The following NTRK2 variants were observed in gnomAD, a reference collection of about 807,000 sequenced individuals.
The protein encoded by NTRK2 is neurotrophic receptor tyrosine kinase 2.
Under a neutral mutation model 94.5 loss-of-function variants are expected in NTRK2, and 13 were observed. The observed-to-expected ratio is 0.14, with a 90% CI of 0.09 to 0.22. The LOEUF (loss-of-function observed/expected upper bound fraction) is 0.22, where lower values mean the gene tolerates loss of function less well. Ranked by LOEUF, NTRK2 falls within the 10% of genes least tolerant of loss-of-function variation. The pLI is 1.00. For synonymous variants in NTRK2, 372 were observed against 407.4 expected (o/e 0.91, Z 1.05); for missense variants, 639 against 1,071.2 (o/e 0.60, Z 5.63).
intron 17 of NTRK2, among the ~76,000 whole-genome samples, chr9:85,016,795 C>T (rs796416476): frequency 1.3e-4 from 20 of 152,182 alleles, no homozygotes; most frequent in African/African-American, 4.8e-4. Context: ...TAGATTGTCC[C>T]ACCACTCACC....
At chr9:84,812,146 T>C in intron 12 of NTRK2, 1 of 1,058,664 alleles carries the variant, frequency 9.4e-7, no homozygotes, top group Non-Finnish European at 1.1e-6. Context: ...GTCAGAAACA[T>C]TGTTTTGAAT....
In NTRK2 at chr9:84,831,542, T is replaced by A. The variant is rs546437130; in HGVS notation, c.1397-29498T>A. On this transcript the variant is annotated intron_variant, in intron 12 of 18. Transcript: ENST00000277120. ...AGCATATACCAGACAGTACTTTAAG[T>A]GTTTTCCATATGCCAACTCCTGTAA... Among the ~76,000 whole-genome samples, 6 of 152,296 alleles carry A rather than the reference T, an allele frequency of 3.9e-5. No individual in the cohort carries two copies. In the East Asian group the frequency reaches 1.2e-3, roughly 29 times the overall value.
chr9:84,751,607 C>T (rs944015673), intron 11 of NTRK2, among the ~76,000 whole-genome samples: 7 of 152,036 alleles, frequency 4.6e-5, no homozygotes, highest in African/African-American at 1.2e-4. Context: ...AGAAAAATCA[C>T]CAGTATTTTG....
At chr9:85,016,139 G>A (rs529551162) in intron 17 of NTRK2, among the ~76,000 whole-genome samples, 4 of 152,182 alleles carry the variant, frequency 2.6e-5, no homozygotes, top group Non-Finnish European at 4.4e-5. Flanking sequence ...GAGGTGGTGG[G>A]TGATTCCGGA....
intron 14 of NTRK2, among the ~76,000 whole-genome samples, chr9:84,931,197 G>A (rs1432797245): frequency 6.6e-6 from 1 of 152,086 alleles, no homozygotes; most frequent in Non-Finnish European, 1.5e-5. Context: ...ACGAGGTCAG[G>A]AGTTTAAGAT....
chr9:84,681,726 G>A (rs1163045130), intron 2 of NTRK2, among the ~76,000 whole-genome samples: 6 of 152,044 alleles, frequency 3.9e-5, no homozygotes, highest in South Asian at 2.1e-4. Context: ...TAGCTGGAGC[G>A]GTCTATCTGA....
intron 12 of NTRK2, chr9:84,814,448 C>A (rs730240): frequency 9.4e-7 from 1 of 1,059,560 alleles, no homozygotes; most frequent in East Asian, 5.1e-5. Flanking sequence ...ACTTTTTTTT[C>A]TCTCTCTCTC....
chr9:84,895,717 T>C (rs2076738364), intron 14 of NTRK2, among the ~76,000 whole-genome samples: 1 of 152,164 alleles, frequency 6.6e-6, no homozygotes, highest in South Asian at 2.1e-4. Flanking sequence ...GTTGAGAGAG[T>C]GCAAAGCTGT....
rs1564486738 is a variant in NTRK2 at position 84,942,778 on chromosome 9, T to C, written c.1765-5684T>C. ...AAGGTCTCAAAATCTGTTAGGTTTT[T>C]TTTTTACCTAAAATACATCTCAATT... On this transcript the variant is annotated intron_variant, in intron 15 of 18. Coordinates refer to ENST00000277120, the MANE Select transcript of NTRK2 (RefSeq NM_006180.6). Among the ~76,000 whole-genome samples the C allele has an allele frequency of 2.6e-5, 4 of 152,256 alleles. No individual in the cohort carries two copies. The South Asian group carries it at 8.3e-4, about 32-fold the overall frequency.
At chr9:84,974,227 C>A (rs1290275556) in intron 17 of NTRK2, among the ~76,000 whole-genome samples, 1 of 152,214 alleles carries the variant, frequency 6.6e-6, no homozygotes, top group Non-Finnish European at 1.5e-5. Context: ...GTCTGAACCC[C>A]ACGCATATCT....
chr9:84,797,319 A>T (rs544627438), intron 12 of NTRK2, among the ~76,000 whole-genome samples: 7 of 151,638 alleles, frequency 4.6e-5, no homozygotes, highest in African/African-American at 1.5e-4. Context: ...TGGCAGAATG[A>T]GCAGTTGTGG....
intron 12 of NTRK2, among the ~76,000 whole-genome samples, chr9:84,755,649 C>T (rs915341138): frequency 2.8e-5 from 4 of 144,970 alleles, no homozygotes; most frequent in Non-Finnish European, 4.5e-5. Context: ...TTTCAACAAT[C>T]GTCATTGTTT....
chr9:84,891,352 A>G (rs1285731229), intron 14 of NTRK2, among the ~76,000 whole-genome samples: 1 of 148,442 alleles, frequency 6.7e-6, no homozygotes, highest in African/African-American at 2.5e-5. Context: ...AGATTATACG[A>G]GAGCATGAAA....
At chr9:84,893,754 C>G (rs139503106) in intron 14 of NTRK2, among the ~76,000 whole-genome samples, 1 of 152,128 alleles carries the variant, frequency 6.6e-6, no homozygotes, top group Non-Finnish European at 1.5e-5. Flanking sequence ...TGGTGTGTAT[C>G]GCTGGGGATG....
At chr9:84,769,862 A>G (rs1052451835) in intron 12 of NTRK2, among the ~76,000 whole-genome samples, 1 of 152,178 alleles carries the variant, frequency 6.6e-6, no homozygotes, top group Non-Finnish European at 1.5e-5. Context: ...TAAATCACCA[A>G]AGGGAAAAAT....
chr9:84,815,454 A>C, intron 12 of NTRK2: 1 of 1,045,304 alleles, frequency 9.6e-7, no homozygotes, highest in South Asian at 4.6e-5. Flanking sequence ...CTTGAGTTTC[A>C]CGCACTTCAT....
rs564559875 is a variant in NTRK2, at chr9:85,023,107, G to A, written c.*1670G>A. 8.6e-6 allele frequency: 2 copies of A among 233,156 alleles called. No individual in the cohort carries two copies. The highest frequency in any genetic ancestry group is 6.0e-5 in the East Asian group (1 of 16,566). The allele number at this position is 233,156 out of a possible 1,614,324, so 14.4% of individuals were successfully genotyped here. A position where few individuals can be genotyped will look rare whatever the true frequency, so the allele number is the denominator to read the frequency against. On this transcript the variant is annotated 3_prime_UTR_variant, in exon 19 of 19. Transcript: ENST00000277120. ...TGTGCCCAGACCAAGCACTGGAAGT[G>A]TGCTTCTAGGCATAGTCATTGGTTT...
At chr9:84,681,148 TC>T (rs1224854347) in intron 2 of NTRK2, among the ~76,000 whole-genome samples, 1 of 152,178 alleles carries the variant, frequency 6.6e-6, no homozygotes, top group African/African-American at 2.4e-5. Context: ...CTAATCTGTT[TC>T]CCCATCAATT....
chr9:84,721,453 G>A (rs2062059773), intron 6 of NTRK2, among the ~76,000 whole-genome samples: 1 of 152,202 alleles, frequency 6.6e-6, no homozygotes, highest in African/African-American at 2.4e-5. Context: ...TGGGATTACA[G>A]GCGTGAGCCA....
Sources: allele counts gnomAD v4.1 joint callset (sites outside exome capture counted in the v4.1 genomes callset), GRCh38; gene constraint gnomAD v4.1.1; transcripts MANE v1.5; gene names NCBI Gene and HGNC (gene_info 2026-07-23, HGNC 2026-07-21).